PRRC2B: variants seen among roughly 807,000 people sequenced by gnomAD.
PRRC2B encodes proline rich coiled-coil 2B.
A neutral mutation model predicts 242.3 loss-of-function variants in PRRC2B; 68 were observed. That is an observed-to-expected ratio of 0.28 (90% CI 0.23 to 0.34). PRRC2B has a LOEUF of 0.34. Ranked by LOEUF, PRRC2B falls within the 10% of genes least tolerant of loss-of-function variation. The probability of loss-of-function intolerance (pLI) is 1.00; values close to 1 mark genes in which losing one functional copy is unlikely to be tolerated. For synonymous variants in PRRC2B, 1,228 were observed against 1,173.6 expected (o/e 1.05, Z -0.95); for missense variants, 2,835 against 2,954.8 (o/e 0.96, Z 0.94).
chr9:131,443,035 C>G (rs992181535), intron 5 of PRRC2B, among the ~76,000 whole-genome samples: 48 of 149,658 alleles, frequency 3.2e-4, no homozygotes, highest in African/African-American at 1.0e-3. Flanking sequence ...TGAGGAGTTA[C>G]TCATGTGTAT....
At chr9:131,416,276 T>C (rs1837648221) in intron 1 of PRRC2B, among the ~76,000 whole-genome samples, 2 of 152,128 alleles carry the variant, frequency 1.3e-5, no homozygotes, top group African/African-American at 4.8e-5. Flanking sequence ...GCCTGACTAA[T>C]TTTTGTATCT....
intron 25 of PRRC2B, 30 bp downstream of exon 25, chr9:131,485,170 G>T: frequency 3.3e-6 from 5 of 1,505,654 alleles, no homozygotes; most frequent in Non-Finnish European, 4.5e-6. Context: ...AGGCCTTGGG[G>T]TCCTTCTCCA....
intron 1 of PRRC2B, among the ~76,000 whole-genome samples, chr9:131,404,479 C>T (rs1033296485): frequency 6.6e-6 from 1 of 152,160 alleles, no homozygotes; most frequent in Admixed American, 6.5e-5. Context: ...GCCTCAGCCT[C>T]CCAAAGTGCT....
At chr9:131,390,360 C>G (rs539995146), upstream of PRRC2B, among the ~76,000 whole-genome samples, 2 of 149,360 alleles carry the variant, frequency 1.3e-5, 1 homozygote, top group Non-Finnish European at 3.0e-5. Flanking sequence ...GGGCTAAGCA[C>G]TTTGCAGGGA....
chr9:131,383,971 T>C (rs1480931037), intron 1 of PRRC2B, among the ~76,000 whole-genome samples: 1 of 151,728 alleles, frequency 6.6e-6, no homozygotes, highest in Non-Finnish European at 1.5e-5. Context: ...CAGGTTGGAG[T>C]CCAGTGGCAC....
chr9:131,470,537 A>G (rs1236476124), intron 13 of PRRC2B, among the ~76,000 whole-genome samples: 2 of 152,260 alleles, frequency 1.3e-5, no homozygotes, highest in East Asian at 1.9e-4. Context: ...CTCGTGTAGC[A>G]CAGGCACAGA....
At chr9:131,492,284 C>G in intron 30 of PRRC2B, 24 bp downstream of exon 30, 1 of 1,585,436 alleles carries the variant, frequency 6.3e-7, no homozygotes, top group African/African-American at 1.3e-5. Context: ...CTGGGGACTG[C>G]GTGCTGTGTA....
upstream of PRRC2B, among the ~76,000 whole-genome samples, chr9:131,389,982 G>A (rs867955798): frequency 2.8e-5 from 4 of 142,750 alleles, no homozygotes; most frequent in African/African-American, 1.0e-4. Flanking sequence ...GAGTGCAGTG[G>A]CGATCTTGGC....
chr9:131,449,485 G>A (rs1417306867), intron 9 of PRRC2B, among the ~76,000 whole-genome samples: 1 of 152,096 alleles, frequency 6.6e-6, no homozygotes, highest in Non-Finnish European at 1.5e-5. Flanking sequence ...TCTAGTGGGT[G>A]TTTAGTGGTA....
In PRRC2B at chr9:131,476,475, G is replaced by A. The variant is rs1943703377; in HGVS notation, c.4346G>A (p.Gly1449Asp). ...GFGEKPVRPG[G>D]GDTSPRYESQ... ...GGGGAGAAGCCCGTTAGGCCAGGTG[G>A]TGGTGACACCTCCCCTCGCTATGAG... The change falls in exon 16 of 32, where the codon GGT becomes GAT. Residue 1449 changes from glycine (G) to aspartate (D), a missense_variant. Physicochemically the swap from Gly to Asp is moderately conservative, Grantham distance 94 (BLOSUM62 -1). Transcript: ENST00000683519. 2 of 1,612,604 alleles carry A rather than the reference G, an allele frequency of 1.2e-6. No individual in the cohort carries two copies. The highest frequency in any genetic ancestry group is 1.7e-6 in the Non-Finnish European group (2 of 1,179,190).
rs532558966 is a variant in PRRC2B, at chr9:131,481,209, C to T, written c.4901-517C>T. ...CCTATAGTCCCAGCTATTCGGGAGG[C>T]TGAGGCAGGAGAATGGCGTGAACCC... On this transcript the variant is annotated intron_variant, in intron 19 of 31. Transcript: ENST00000683519. Among the ~76,000 whole-genome samples the T allele has an allele frequency of 1.6e-3, 236 of 145,838 alleles. 4 individuals carry two copies. The highest frequency in any genetic ancestry group is 3.9e-3 in the South Asian group (18 of 4,660).
chr9:131,393,456 A>C (rs1312372866), upstream of PRRC2B, among the ~76,000 whole-genome samples: 1 of 152,200 alleles, frequency 6.6e-6, no homozygotes, highest in East Asian at 1.9e-4. Flanking sequence ...CAATCACACA[A>C]ACACACAACA....
Position 131,477,049 on chromosome 9 carries a change from A to AG in PRRC2B, c.4406+518dup, listed in dbSNP as rs781559682. Among the ~76,000 whole-genome samples the AG allele has an allele frequency of 8.7e-4, 133 of 152,206 alleles. 1 individual carries two copies. Among genetic ancestry groups the AG allele is most frequent in the Non-Finnish European group, 2.2e-4 (15 of 68,034 alleles). On this transcript the variant is annotated intron_variant, in intron 16 of 31. Coordinates refer to ENST00000683519, the MANE Select transcript of PRRC2B (RefSeq NM_013318.4). ...CATGGCAGGAGCCCAGCAAACGCAG[A>AG]GGGGAGCAGGCTGCACATGGTCTGG... is the stretch of plus-strand genomic sequence containing the variant.
At chr9:131,483,182 C>T (rs1221525158) in intron 22 of PRRC2B, among the ~76,000 whole-genome samples, 177 bp from the exon 23 acceptor site, 2 of 152,138 alleles carry the variant, frequency 1.3e-5, no homozygotes, top group Admixed American at 6.5e-5. Flanking sequence ...GTGAGGCTGG[C>T]GTCCTGTCTC....
chr9:131,481,796 T>C lies in PRRC2B; in HGVS notation c.4971T>C (p.Thr1657=). The C allele has an allele frequency of 6.4e-7, 1 of 1,558,796 alleles. No homozygotes were observed. Among genetic ancestry groups the C allele is most frequent in the Non-Finnish European group, 8.7e-7 (1 of 1,153,742 alleles). The change falls in exon 20 of 32, where the codon ACT becomes ACC. Residue 1657 remains threonine, a synonymous_variant. Transcript: ENST00000683519. ...KAVTAFSSTE[T]GSAEQGFKSS... ...TCACTGCCTTCAGCAGCACCGAGAC[T>C]GGCTCTGCGGAGGTGAGTGTGGCCG...
chr9:131,489,252 T>A (rs1026204231), intron 28 of PRRC2B, among the ~76,000 whole-genome samples: 1 of 150,302 alleles, frequency 6.7e-6, no homozygotes, highest in Non-Finnish European at 1.5e-5. Context: ...TGGCGCAATC[T>A]CGGCTCACTG....
At position 131,438,976 on chromosome 9, in the gene PRRC2B, T is replaced by C. The variant is rs1307942564; in HGVS notation, c.397-13T>C. 1 of 1,607,578 alleles carries C rather than the reference T, an allele frequency of 6.2e-7. No individual in the cohort carries two copies. The highest frequency in any genetic ancestry group is 1.1e-5 in the South Asian group (1 of 90,230). ...GGGAGCTGGCCCTCTTCTGATTCTC[T>C]TCCTTCTTTCAGAATACAAATTCAG... On this transcript the variant is annotated splice_polypyrimidine_tract_variant and intron_variant, in intron 4 of 31. Transcript: ENST00000683519.
intron 20 of PRRC2B, 71 bp downstream of exon 20, chr9:131,481,879 C>G (rs933628951): frequency 1.1e-5 from 15 of 1,402,540 alleles, no homozygotes; most frequent in Non-Finnish European, 1.3e-5. Context: ...ATCCACACGG[C>G]CAGCTTGCTG....
rs753291607 is a variant in PRRC2B at position 131,491,528 on chromosome 9, G to A, written c.6329G>A (p.Arg2110Gln). The A allele has an allele frequency of 1.8e-5, 29 of 1,612,042 alleles. No individual in the cohort carries two copies. The highest frequency in any genetic ancestry group is 1.6e-4 in the Middle Eastern group (1 of 6,080). Reference sequence around the variant, plus strand: ...CAGAGCCTCTCCGTTGGGGCCCCCCGAAGGATTCCTCCGCCCGGGTCCCAG... The same window carrying A: ...CAGAGCCTCTCCGTTGGGGCCCCCCAAAGGATTCCTCCGCCCGGGTCCCAG... ...PGQSLSVGAP[R>Q]RIPPPGSQPP... The change falls in exon 29 of 32, where the codon CGA becomes CAA. Residue 2110 changes from arginine to glutamine, a missense_variant. Arg to Gln is a conservative substitution (Grantham distance 43). Around this residue, in one of 7 missense-constraint regions of PRRC2B, gnomAD observed 574 missense variants for 626.0 expected, o/e 0.92. Coordinates refer to ENST00000683519, the MANE Select transcript of PRRC2B (RefSeq NM_013318.4).
Sources: allele counts gnomAD v4.1 joint callset (sites outside exome capture counted in the v4.1 genomes callset), GRCh38; gene constraint gnomAD v4.1.1; regional missense constraint gnomAD v4.1.1; transcripts MANE v1.5; gene names NCBI Gene and HGNC (gene_info 2026-07-23, HGNC 2026-07-21).